SEMA3E: variants seen among roughly 807,000 people sequenced by gnomAD.
SEMA3E encodes semaphorin 3E.
Under a neutral mutation model 93.6 loss-of-function variants are expected in SEMA3E, and 49 were observed. The observed-to-expected ratio is 0.52, with a 90% CI of 0.42 to 0.66. SEMA3E has a LOEUF of 0.66. Among genes scored for constraint, SEMA3E ranks in the 30% least tolerant of loss-of-function variants. The probability of loss-of-function intolerance (pLI) is 0.00; values close to 1 mark genes in which losing one functional copy is unlikely to be tolerated. For synonymous variants in SEMA3E, 363 were observed against 330.7 expected (o/e 1.10, Z -1.06); for missense variants, 906 against 964.8 (o/e 0.94, Z 0.81).
At chr7:83,515,315 G>A (rs1198264857) in intron 1 of SEMA3E, among the ~76,000 whole-genome samples, 1 of 148,928 alleles carries the variant, frequency 6.7e-6, no homozygotes, top group Non-Finnish European at 1.5e-5. Context: ...AAAAAGAAAT[G>A]TCCTAGGTTC....
chr7:83,566,856 A>C (rs984820528), intron 1 of SEMA3E, among the ~76,000 whole-genome samples: 7 of 152,210 alleles, frequency 4.6e-5, no homozygotes, highest in Admixed American at 2.6e-4. Context: ...AGAAGAGAGA[A>C]AGAAGGAACA....
intron 1 of SEMA3E, among the ~76,000 whole-genome samples, chr7:83,490,564 T>C (rs1239825785): frequency 6.6e-6 from 1 of 152,058 alleles, no homozygotes; most frequent in Non-Finnish European, 1.5e-5. Flanking sequence ...GTGAAAGTCA[T>C]TTTACAGCTC....
rs770979660 is a variant in SEMA3E at position 83,469,243 on chromosome 7, C to T, written c.336G>A (p.Ala112=). ...TTAATTTACAATGAATCATACTTAC[C>T]GCATCTTTTCCCTTCATTATGCATT... The part of the protein sequence containing the change: ...MEECIMKGKD[A]GECANYVRVL... Residue 112 remains alanine (A), a splice_region_variant and synonymous_variant, in exon 3 of 17, where the codon GCG becomes GCA. Transcript: ENST00000643230. 27 of 1,605,358 alleles carry T rather than the reference C, an allele frequency of 1.7e-5. No individual in the cohort carries two copies. The highest frequency in any genetic ancestry group is 1.2e-4 in the South Asian group (11 of 90,874).
At chr7:83,370,509 G>C (rs754881685) in intron 16 of SEMA3E, among the ~76,000 whole-genome samples, 103 of 152,046 alleles carry the variant, frequency 6.8e-4, no homozygotes, top group Middle Eastern at 3.4e-3. Flanking sequence ...CCTTATAACT[G>C]TCTCTTTGAC....
intron 4 of SEMA3E, among the ~76,000 whole-genome samples, chr7:83,461,883 G>T (rs2722996): frequency 4.6e-5 from 7 of 151,998 alleles, no homozygotes; most frequent in African/African-American, 1.7e-4. Flanking sequence ...CCAAACGCCT[G>T]AACCGCAGCA....
chr7:83,412,176 G>C, intron 5 of SEMA3E, among the ~76,000 whole-genome samples: 1 of 152,010 alleles, frequency 6.6e-6, no homozygotes, highest in South Asian at 2.1e-4. Flanking sequence ...CCTGGTTATT[G>C]TCCGCTTTTT....
chr7:83,647,774 T>C (rs540327767), intron 1 of SEMA3E, among the ~76,000 whole-genome samples: 1 of 152,346 alleles, frequency 6.6e-6, no homozygotes, highest in Admixed American at 6.5e-5. Flanking sequence ...AATACTTTAA[T>C]CCATATTAGC....
chr7:83,511,548 A>G (rs1219320590), intron 1 of SEMA3E, among the ~76,000 whole-genome samples: 1 of 152,090 alleles, frequency 6.6e-6, no homozygotes, highest in Non-Finnish European at 1.5e-5. Context: ...TTGAGGTTGG[A>G]GTCATAGTGA....
chr7:83,480,499 T>C (rs1030048532), intron 2 of SEMA3E, among the ~76,000 whole-genome samples: 2 of 151,578 alleles, frequency 1.3e-5, no homozygotes, highest in Non-Finnish European at 2.9e-5. Flanking sequence ...TTTTCTATAC[T>C]TTTTTTTTCT....
chr7:83,541,421 T>C (rs1386130352), intron 1 of SEMA3E, among the ~76,000 whole-genome samples: 1 of 152,086 alleles, frequency 6.6e-6, no homozygotes, highest in Non-Finnish European at 1.5e-5. Flanking sequence ...GAGGCCACAA[T>C]ACTGAGAAAT....
intron 4 of SEMA3E, among the ~76,000 whole-genome samples, chr7:83,450,984 G>A (rs1372065005): frequency 6.6e-6 from 1 of 151,488 alleles, no homozygotes; most frequent in Non-Finnish European, 1.5e-5. Context: ...AATCCCCCTG[G>A]TCATGGGAGG....
chr7:83,517,152 T>C (rs896854022), intron 1 of SEMA3E, among the ~76,000 whole-genome samples: 1 of 152,144 alleles, frequency 6.6e-6, no homozygotes, highest in African/African-American at 2.4e-5. Flanking sequence ...AAATTGAGCA[T>C]CTGCATTAAC....
At chr7:83,581,407 G>C (rs1196562408) in intron 1 of SEMA3E, among the ~76,000 whole-genome samples, 2 of 151,962 alleles carry the variant, frequency 1.3e-5, no homozygotes, top group Non-Finnish European at 2.9e-5. Context: ...ACAAGGAAGT[G>C]AACTCTATCA....
At chr7:83,438,846 T>G (rs1388018118) in intron 4 of SEMA3E, among the ~76,000 whole-genome samples, 1 of 152,102 alleles carries the variant, frequency 6.6e-6, no homozygotes, top group Non-Finnish European at 1.5e-5. Context: ...AAAATTTAAC[T>G]GAAGGATGGA....
chr7:83,379,675 G>A (rs1030281737), intron 16 of SEMA3E, among the ~76,000 whole-genome samples: 1 of 151,714 alleles, frequency 6.6e-6, no homozygotes, highest in Admixed American at 6.6e-5. Flanking sequence ...GTGTCTAAGG[G>A]CCCCAAATTA....
chr7:83,417,545 G>A (rs770788071), intron 5 of SEMA3E, among the ~76,000 whole-genome samples: 2 of 152,050 alleles, frequency 1.3e-5, no homozygotes, highest in African/African-American at 2.4e-5. Flanking sequence ...ATGTAATAAT[G>A]CAACCTTGCA....
At chr7:83,382,336 T>C (rs1787792137) in intron 16 of SEMA3E, among the ~76,000 whole-genome samples, 2 of 151,992 alleles carry the variant, frequency 1.3e-5, no homozygotes, top group Admixed American at 6.6e-5. Flanking sequence ...CTTGGTACTG[T>C]AGCACTGAAT....
chr7:83,622,277 GAGAT>G (rs1793577558), intron 1 of SEMA3E, among the ~76,000 whole-genome samples: 1 of 79,966 alleles, frequency 1.3e-5, no homozygotes, highest in Admixed American at 1.2e-4. Context: ...AAACCATAAT[GAGAT>G]ACCATCTCCT....
chr7:83,433,994 A>G (rs987792981), intron 4 of SEMA3E, among the ~76,000 whole-genome samples: 1 of 152,068 alleles, frequency 6.6e-6, no homozygotes, highest in Non-Finnish European at 1.5e-5. Context: ...TTTCTTTAAA[A>G]TAATTATTTA....
Sources: allele counts gnomAD v4.1 joint callset (sites outside exome capture counted in the v4.1 genomes callset), GRCh38; gene constraint gnomAD v4.1.1; transcripts MANE v1.5; gene names NCBI Gene and HGNC (gene_info 2026-07-23, HGNC 2026-07-21).